The following ARHGEF7 variants were observed in gnomAD, a reference collection of about 807,000 sequenced individuals.
The protein encoded by ARHGEF7 is PAK-interacting exchange factor beta.
In ARHGEF7, 33 loss-of-function variants were observed where a neutral mutation model predicts 109.8. That is an observed-to-expected ratio of 0.30 (90% CI 0.23 to 0.40). ARHGEF7 has a LOEUF of 0.40. Among genes scored for constraint, ARHGEF7 ranks in the 10% least tolerant of loss-of-function variants. The pLI, the probability that ARHGEF7 is intolerant of heterozygous loss-of-function variation, is 1.00. For synonymous variants in ARHGEF7, 458 were observed against 424.6 expected (o/e 1.08, Z -0.97); for missense variants, 938 against 1,098.5 (o/e 0.85, Z 2.07).
chr13:111,173,976 A>G (rs1174074168), intron 2 of ARHGEF7, among the ~76,000 whole-genome samples: 2 of 152,106 alleles, frequency 1.3e-5, no homozygotes, highest in Non-Finnish European at 2.9e-5. Flanking sequence ...TTTCAAGACA[A>G]ATTTGTGATC....
intron 1 of ARHGEF7, among the ~76,000 whole-genome samples, chr13:111,148,150 A>G (rs1017701823): frequency 5.9e-5 from 9 of 152,142 alleles, no homozygotes; most frequent in African/African-American, 2.2e-4. Context: ...CACTCTTTGC[A>G]TTCACCGTGC....
At chr13:111,162,439 C>T (rs561536117) in intron 2 of ARHGEF7, among the ~76,000 whole-genome samples, 2 of 152,304 alleles carry the variant, frequency 1.3e-5, no homozygotes, top group African/African-American at 4.8e-5. Context: ...AGTAACCTTG[C>T]ATGGCACTGG....
At chr13:111,301,952 A>G (rs1354348420) in intron 21 of ARHGEF7, among the ~76,000 whole-genome samples, 3 of 152,240 alleles carry the variant, frequency 2.0e-5, no homozygotes, top group Non-Finnish European at 2.9e-5. Context: ...CATGTCTTTG[A>G]GAAGTCCAGC....
chr13:111,235,843 T>C (rs1355725177), intron 6 of ARHGEF7, among the ~76,000 whole-genome samples: 2 of 152,236 alleles, frequency 1.3e-5, no homozygotes, highest in Non-Finnish European at 2.9e-5. Flanking sequence ...AAGGTCTGGG[T>C]GTTTTTAACC....
At chr13:111,116,159 A>G (rs1188305406) in intron 1 of ARHGEF7, among the ~76,000 whole-genome samples, 2 of 146,012 alleles carry the variant, frequency 1.4e-5, no homozygotes, top group South Asian at 2.3e-4. Context: ...GTTGCTCTGT[A>G]TTTTTAAAGA....
intron 2 of ARHGEF7, chr13:111,186,953 C>T (rs1594453365): frequency 9.1e-6 from 9 of 985,656 alleles, no homozygotes; most frequent in Middle Eastern, 5.2e-4. Context: ...CATCAGCCAG[C>T]GCTACCATGG....
intron 5 of ARHGEF7, among the ~76,000 whole-genome samples, chr13:111,218,390 G>A (rs1460906060): frequency 3.3e-5 from 5 of 152,080 alleles, no homozygotes; most frequent in African/African-American, 1.2e-4. Context: ...TGAGGCTTGT[G>A]TTCTTATGAA....
In ARHGEF7 at chr13:111,115,372, G is replaced by A. The variant is rs1391843836; in HGVS notation, c.-155G>A. ...GCGGGCCGGGGCGCACGGAGAAGCG[G>A]GCCGGGCCGGACCTGCTGGGCCGCG... On this transcript the variant is annotated 5_prime_UTR_variant, in exon 1 of 22. Transcript: ENST00000646102. The A allele has an allele frequency of 2.8e-6, 1 of 360,260 alleles. No individual in the cohort carries two copies. Among genetic ancestry groups the A allele is most frequent in the East Asian group, 1.7e-4 (1 of 5,846 alleles). The allele number at this position is 360,260 out of a possible 1,614,324, so 22.3% of individuals were successfully genotyped here.
At chr13:111,227,133 G>A (rs1369439619) in intron 5 of ARHGEF7, among the ~76,000 whole-genome samples, 1 of 152,226 alleles carries the variant, frequency 6.6e-6, no homozygotes, top group African/African-American at 2.4e-5. Context: ...GTGGTTTCTT[G>A]AAATAGAATC....
At position 111,255,826 on chromosome 13, in the gene ARHGEF7, T is replaced by G. The variant is rs920511279; in HGVS notation, c.950+11532T>G. On this transcript the variant is annotated intron_variant, in intron 8 of 21. Coordinates refer to ENST00000646102, the MANE Select transcript of ARHGEF7 (RefSeq NM_001354046.2). This position sits in a 1 kb window ranked among gnomAD's most constrained non-coding sequence, Gnocchi z 4.1. ...ATTTTTCCTGTGGAAGGTGGGGTCA[T>G]GGTGCTTTCTTTTCAGTGCTGCGTT... Among the ~76,000 whole-genome samples, 1 of 152,182 alleles carries G rather than the reference T, an allele frequency of 6.6e-6. No individual in the cohort carries two copies. Among genetic ancestry groups the G allele is most frequent in the East Asian group, 1.9e-4 (1 of 5,196 alleles).
chr13:111,243,229 G>GT (rs35764822), intron 6 of ARHGEF7, among the ~76,000 whole-genome samples: 2 of 151,880 alleles, frequency 1.3e-5, no homozygotes. Flanking sequence ...AGAGTAAACT[G>GT]TTTTTTTAGT....
chr13:111,231,120 A>G (rs946283385), intron 5 of ARHGEF7, among the ~76,000 whole-genome samples: 1 of 152,114 alleles, frequency 6.6e-6, no homozygotes, highest in East Asian at 1.9e-4. Context: ...TTATGATCGC[A>G]GTGGCTGTGA....
chr13:111,118,743 A>G (rs964401009), intron 1 of ARHGEF7, among the ~76,000 whole-genome samples: 1 of 152,224 alleles, frequency 6.6e-6, no homozygotes, highest in Non-Finnish European at 1.5e-5. Context: ...ACAACACATT[A>G]AAATCATGGA....
chr13:111,180,899 CATTTAAG>C (rs1415302643), intron 2 of ARHGEF7, among the ~76,000 whole-genome samples: 10 of 152,188 alleles, frequency 6.6e-5, no homozygotes, highest in African/African-American at 2.2e-4. Context: ...ACTGGAAGGA[CATTTAAG>C]ATTTAAGATG....
chr13:111,177,101 C>T (rs1170340007), intron 2 of ARHGEF7, among the ~76,000 whole-genome samples: 4 of 152,202 alleles, frequency 2.6e-5, no homozygotes, highest in African/African-American at 7.2e-5. Flanking sequence ...CTGTGCTAGG[C>T]GTGGTTCCAG....
At chr13:111,203,188 T>G in intron 2 of ARHGEF7, 1 of 983,708 alleles carries the variant, frequency 1.0e-6, no homozygotes, top group Non-Finnish European at 1.4e-6. Context: ...ATGACTTGAA[T>G]TTTCAGAGCA....
intron 5 of ARHGEF7, among the ~76,000 whole-genome samples, chr13:111,229,184 C>G (rs1302469339): frequency 6.6e-6 from 1 of 152,146 alleles, no homozygotes; most frequent in Non-Finnish European, 1.5e-5. Flanking sequence ...CCAAGGAATC[C>G]AGAGCTCTTC....
At chr13:111,175,670 C>T (rs1035396425) in intron 2 of ARHGEF7, among the ~76,000 whole-genome samples, 2 of 152,204 alleles carry the variant, frequency 1.3e-5, no homozygotes, top group African/African-American at 2.4e-5. Flanking sequence ...TGGACGTCCT[C>T]ATAGCAGCCC....
intron 3 of ARHGEF7, among the ~76,000 whole-genome samples, chr13:111,206,927 A>G (rs1594720256): frequency 6.9e-6 from 1 of 144,746 alleles, no homozygotes. Flanking sequence ...GCGCCACTGC[A>G]CTCCAGCCTG....
Sources: allele counts gnomAD v4.1 joint callset (sites outside exome capture counted in the v4.1 genomes callset), GRCh38; gene constraint gnomAD v4.1.1; non-coding constraint Gnocchi (gnomAD v3.1); transcripts MANE v1.5; gene names NCBI Gene and HGNC (gene_info 2026-07-23, HGNC 2026-07-21).